Variants in ZZZ3 observed in about 807,000 individuals in gnomAD.
ZZZ3 encodes the protein ZZ-type zinc finger-containing protein 3.
A neutral mutation model predicts 95.2 loss-of-function variants in ZZZ3; 22 were observed. The ratio of observed to expected loss-of-function variants is 0.23; its 90% CI spans 0.17 to 0.33. The LOEUF (loss-of-function observed/expected upper bound fraction) is 0.33, where lower values mean the gene tolerates loss of function less well. Ranked by LOEUF, ZZZ3 falls within the 10% of genes least tolerant of loss-of-function variation. The probability of loss-of-function intolerance (pLI) is 1.00; values close to 1 mark genes in which losing one functional copy is unlikely to be tolerated. For synonymous variants in ZZZ3, 335 were observed against 358.9 expected (o/e 0.93, Z 0.75); for missense variants, 885 against 1,066.5 (o/e 0.83, Z 2.37).
rs1479731120 is a variant in ZZZ3 at position 77,633,051 on chromosome 1, C to T, written c.304G>A (p.Glu102Lys). ...EKDNIERQAI[E>K]NCERRQTEPV... ...TCTGTTTGCCTTCTCTCACAATTTT[C>T]TATAGCCTGCCTTTCTATGTTATCC... Residue 102 changes from glutamate to lysine, a missense_variant, in exon 5 of 15, where the codon GAA becomes AAA. Physicochemically the swap from Glu to Lys is moderately conservative, Grantham distance 56 (BLOSUM62 1). This residue lies in a region of ZZZ3 where 556 missense variants were observed against 652.9 expected (regional missense o/e 0.85). Transcript: ENST00000370801. 1 of 1,613,904 alleles carries T rather than the reference C, an allele frequency of 6.2e-7. No individual in the cohort carries two copies. Among genetic ancestry groups the T allele is most frequent in the Middle Eastern group, 1.6e-4 (1 of 6,062 alleles).
At chr1:77,682,863 G>A (rs1331492802), upstream of ZZZ3, among the ~76,000 whole-genome samples, 1 of 152,216 alleles carries the variant, frequency 6.6e-6, no homozygotes, top group Non-Finnish European at 1.5e-5. Flanking sequence ...CCCTTGTACA[G>A]AAAAGCAGAA....
intron 5 of ZZZ3, among the ~76,000 whole-genome samples, chr1:77,631,553 A>C (rs1557743327): frequency 6.6e-6 from 1 of 152,160 alleles, no homozygotes; most frequent in Non-Finnish European, 1.5e-5. Flanking sequence ...CATTGTATAA[A>C]TTAACTAAAA....
chr1:77,623,644 T>A (rs1667082746), intron 5 of ZZZ3, among the ~76,000 whole-genome samples: 1 of 152,068 alleles, frequency 6.6e-6, no homozygotes, highest in African/African-American at 2.4e-5. Flanking sequence ...AGAACAAATG[T>A]CAACATTTTT....
intron 5 of ZZZ3, among the ~76,000 whole-genome samples, chr1:77,627,159 T>G (rs1667409487): frequency 6.6e-6 from 1 of 152,134 alleles, no homozygotes; most frequent in Non-Finnish European, 1.5e-5. Flanking sequence ...AACTAGTAAT[T>G]AAAAGATAGA....
intron 1 of ZZZ3, among the ~76,000 whole-genome samples, chr1:77,658,364 C>A (rs1670474956): frequency 6.6e-6 from 1 of 151,884 alleles, no homozygotes; most frequent in Non-Finnish European, 1.5e-5. Flanking sequence ...TTTTTAGAGA[C>A]AGGGTCTCAC....
chr1:77,671,068 A>G (rs1418427147), intron 1 of ZZZ3, among the ~76,000 whole-genome samples: 2 of 151,668 alleles, frequency 1.3e-5, no homozygotes. Flanking sequence ...GACATCTGCC[A>G]GCAACTGCCG....
At chr1:77,634,385 T>C (rs544714670) in intron 4 of ZZZ3, among the ~76,000 whole-genome samples, 55 of 152,284 alleles carry the variant, frequency 3.6e-4, no homozygotes, top group African/African-American at 1.3e-3. Context: ...AAATTTTTTA[T>C]TGCAGTATAA....
chr1:77,620,803 T>C (rs1666781060), intron 5 of ZZZ3, among the ~76,000 whole-genome samples: 1 of 152,130 alleles, frequency 6.6e-6, no homozygotes. Context: ...ATTTCAAAAT[T>C]CATCAGTATA....
chr1:77,590,765 AT>A (rs1265894868), intron 5 of ZZZ3, among the ~76,000 whole-genome samples: 1 of 152,224 alleles, frequency 6.6e-6, no homozygotes, highest in Non-Finnish European at 1.5e-5. Flanking sequence ...TAATAATGGT[AT>A]TTAAAGTTAT....
chr1:77,602,031 G>T (rs568642897), intron 5 of ZZZ3, among the ~76,000 whole-genome samples: 96 of 152,244 alleles, frequency 6.3e-4, no homozygotes, highest in African/African-American at 2.2e-3. Flanking sequence ...AAGTGAAAAA[G>T]ATTTTAAATA....
At chr1:77,586,188 T>C (rs544167538) in intron 5 of ZZZ3, among the ~76,000 whole-genome samples, 4 of 152,334 alleles carry the variant, frequency 2.6e-5, no homozygotes, top group Middle Eastern at 3.4e-3. Flanking sequence ...CTTAGGGTGA[T>C]GGTAGTGATC....
chr1:77,662,176 G>T (rs1436820385), intron 1 of ZZZ3, among the ~76,000 whole-genome samples: 1 of 151,974 alleles, frequency 6.6e-6, no homozygotes, highest in African/African-American at 2.4e-5. Context: ...ACCACACCCG[G>T]CTAATTTTTG....
intron 1 of ZZZ3, among the ~76,000 whole-genome samples, chr1:77,673,304 T>C (rs1215895592): frequency 1.3e-5 from 2 of 152,132 alleles, no homozygotes; most frequent in Non-Finnish European, 2.9e-5. Context: ...GAGAAGAAAG[T>C]TGCACTTTAC....
At chr1:77,676,081 A>T (rs994232748) in intron 1 of ZZZ3, among the ~76,000 whole-genome samples, 1 of 152,224 alleles carries the variant, frequency 6.6e-6, no homozygotes, top group African/African-American at 2.4e-5. Flanking sequence ...CATACATCCT[A>T]AACTGTTAAT....
At chr1:77,582,236 G>T in intron 6 of ZZZ3, 110 bp from the exon 7 acceptor site, 3 of 873,886 alleles carry the variant, frequency 3.4e-6, no homozygotes, top group South Asian at 2.3e-5. Flanking sequence ...TAATCAATGG[G>T]GCATTTCTAT....
intron 5 of ZZZ3, among the ~76,000 whole-genome samples, chr1:77,588,670 T>C (rs946501581): frequency 5.9e-5 from 9 of 152,170 alleles, no homozygotes; most frequent in Non-Finnish European, 1.0e-4. Context: ...ATCCTACTTT[T>C]ACTTTTGCTA....
intron 1 of ZZZ3, among the ~76,000 whole-genome samples, chr1:77,646,181 T>G (rs1669251476): frequency 6.6e-6 from 1 of 152,114 alleles, no homozygotes; most frequent in Non-Finnish European, 1.5e-5. Context: ...TGATTTGAAC[T>G]AACCCAAATG....
rs1660732692 is a variant in ZZZ3, at chr1:77,565,478, A to T, written c.*162T>A. 1 of 654,888 alleles carries T rather than the reference A, an allele frequency of 1.5e-6. No homozygotes were observed. Among genetic ancestry groups the T allele is most frequent in the African/African-American group, 1.9e-5 (1 of 53,476 alleles). The allele number at this position is 654,888 out of a possible 1,614,324, so 40.6% of individuals were successfully genotyped here. A position where few individuals can be genotyped will look rare whatever the true frequency, so the allele number is the denominator to read the frequency against. On this transcript the variant is annotated 3_prime_UTR_variant, in exon 15 of 15. Coordinates refer to ENST00000370801, the MANE Select transcript of ZZZ3 (RefSeq NM_015534.6). ...AGCTGCTGAACAGTGATCTAGAGCC[A>T]CAACGGTGCAGAGCTGTACTTGACG...
At chr1:77,669,693 G>A (rs887374478) in intron 1 of ZZZ3, among the ~76,000 whole-genome samples, 1 of 151,912 alleles carries the variant, frequency 6.6e-6, no homozygotes, top group East Asian at 1.9e-4. Flanking sequence ...CCCAACCTCA[G>A]GCGATGCACC....
Sources: gnomAD v4.1 joint callset for allele counts (sites outside exome capture counted in the v4.1 genomes callset) on GRCh38, gnomAD v4.1.1 for gene constraint, gnomAD v4.1.1 regional missense constraint, MANE v1.5 for transcripts, NCBI Gene and HGNC (gene_info 2026-07-23, HGNC 2026-07-21) for gene names.